Variants in ADGRV1 observed in about 807,000 individuals in gnomAD.
ADGRV1 encodes the protein G-protein coupled receptor 98.
A neutral mutation model predicts 596.2 loss-of-function variants in ADGRV1; 359 were observed. The ratio of observed to expected loss-of-function variants is 0.60; its 90% CI spans 0.55 to 0.66. ADGRV1 has a LOEUF of 0.66. Among genes scored for constraint, ADGRV1 ranks in the 30% least tolerant of loss-of-function variants. The pLI is 0.00. For missense variants in ADGRV1, 7,274 were observed against 7,575.6 expected (o/e 0.96, Z 1.48); for synonymous variants, 2,681 against 2,679.2 (o/e 1.00, Z -0.02).
rs945042132 is a variant in ADGRV1, at chr5:91,091,430, G to A, written c.18311-10789G>A. 9.9e-5 allele frequency among the ~76,000 whole-genome samples: 15 copies of A among 152,186 alleles called. No individual in the cohort carries two copies. In the East Asian group the frequency reaches 2.5e-3, roughly 25 times the overall value. Reference sequence around the variant, plus strand: ...CTTGTCAATTTTACTTTTAACTGTAGCATGTCTTCTTAGCCAGTCCCATAG... The same window carrying A: ...CTTGTCAATTTTACTTTTAACTGTAACATGTCTTCTTAGCCAGTCCCATAG... On this transcript the variant is annotated intron_variant, in intron 86 of 89. Coordinates refer to ENST00000405460, the MANE Select transcript of ADGRV1 (RefSeq NM_032119.4).
chr5:90,721,442 T>G (rs1750926961), intron 45 of ADGRV1, among the ~76,000 whole-genome samples: 1 of 151,460 alleles, frequency 6.6e-6, no homozygotes, highest in Admixed American at 6.6e-5. Flanking sequence ...AGGCGGAGCT[T>G]GCAGTGAGCC....
At chr5:90,797,990 T>G in intron 70 of ADGRV1, among the ~76,000 whole-genome samples, 1 of 151,990 alleles carries the variant, frequency 6.6e-6, no homozygotes, top group Non-Finnish European at 1.5e-5. Context: ...AGATCTAAAA[T>G]CGACACCCTA....
chr5:90,896,463 T>G (rs1771332849), intron 83 of ADGRV1, among the ~76,000 whole-genome samples: 2 of 151,862 alleles, frequency 1.3e-5, no homozygotes, highest in South Asian at 2.1e-4. Context: ...TTTGTAGAGA[T>G]AGGGTTTTGC....
intron 76 of ADGRV1, among the ~76,000 whole-genome samples, chr5:90,827,050 T>G (rs1764132567): frequency 6.6e-6 from 1 of 152,208 alleles, no homozygotes; most frequent in Admixed American, 6.5e-5. Flanking sequence ...GAATCCAGTG[T>G]TTAAATATTT....
intron 86 of ADGRV1, among the ~76,000 whole-genome samples, chr5:91,077,169 A>G (rs1169733268): frequency 6.6e-6 from 1 of 152,216 alleles, no homozygotes; most frequent in Non-Finnish European, 1.5e-5. Flanking sequence ...TGTTAAAAAT[A>G]CCGTGGGCAT....
intron 86 of ADGRV1, among the ~76,000 whole-genome samples, chr5:91,075,835 A>G (rs1788809664): frequency 6.6e-6 from 1 of 152,138 alleles, no homozygotes; most frequent in Non-Finnish European, 1.5e-5. Flanking sequence ...TTTAGCTTAC[A>G]AGAGTTTCCA....
Position 90,855,842 on chromosome 5 carries a change from C to T in ADGRV1, c.17696C>T (p.Thr5899Ile). ...HMSVYAVYARTDNLSSYNEAF... is the reference protein window; with the variant it reads ...HMSVYAVYARIDNLSSYNEAF... Reference sequence around the variant, plus strand: ...TCTGTGTATGCTGTCTATGCTCGGACTGACAACTTGTCTTCATACAATGAA... The same window carrying T: ...TCTGTGTATGCTGTCTATGCTCGGATTGACAACTTGTCTTCATACAATGAA... Residue 5899 changes from threonine to isoleucine, a missense_variant, in exon 82 of 90, where the codon ACT becomes ATT. Thr to Ile is a moderately conservative substitution (Grantham distance 89, BLOSUM62 -1). Around this residue, in one of 5 missense-constraint regions of ADGRV1, gnomAD observed 1,874 missense variants for 1,970.2 expected, o/e 0.95. Transcript: ENST00000405460. The T allele has an allele frequency of 1.9e-6, 3 of 1,613,042 alleles. No individual in the cohort carries two copies. Among genetic ancestry groups the T allele is most frequent in the Non-Finnish European group, 2.5e-6 (3 of 1,179,160 alleles).
At chr5:90,632,827 C>T (rs1348036217) in intron 9 of ADGRV1, among the ~76,000 whole-genome samples, 1 of 152,132 alleles carries the variant, frequency 6.6e-6, no homozygotes, top group Non-Finnish European at 1.5e-5. Context: ...TAATTTATCA[C>T]TTGCTTAGGG....
chr5:90,915,712 G>A (rs979198327), intron 83 of ADGRV1, among the ~76,000 whole-genome samples: 1 of 152,152 alleles, frequency 6.6e-6, no homozygotes, highest in Non-Finnish European at 1.5e-5. Flanking sequence ...CCCTCCCCCA[G>A]CCCCCGTGGG....
Position 90,685,876 on chromosome 5 carries a change from C to T in ADGRV1, c.6371C>T (p.Ala2124Val). ...GCATTTGGAACTCTTCAGCTCTCAGCACCAATTGTCCGAGTGGCAGAAAAT... is the reference window on the plus strand; with the variant it reads ...GCATTTGGAACTCTTCAGCTCTCAGTACCAATTGTCCGAGTGGCAGAAAAT... ...DDAFGTLQLS[A>V]PIVRVAENHV... The change falls in exon 29 of 90, where the codon GCA (alanine) becomes GTA (valine). Residue 2124 changes from alanine to valine, a missense_variant. By Grantham distance (64) the Ala-to-Val change is moderately conservative. This residue lies in a region of ADGRV1 where 3,643 missense variants were observed against 3,809.2 expected (regional missense o/e 0.96). Transcript: ENST00000405460. 1 of 1,611,996 alleles carries T rather than the reference C, an allele frequency of 6.2e-7. No homozygotes were observed. The highest frequency in any genetic ancestry group is 8.5e-7 in the Non-Finnish European group (1 of 1,178,618).
chr5:91,013,571 C>T (rs1782899393), intron 85 of ADGRV1, among the ~76,000 whole-genome samples: 1 of 151,894 alleles, frequency 6.6e-6, no homozygotes, highest in Non-Finnish European at 1.5e-5. Context: ...TTGCTTTCCT[C>T]TTGTAAATTT....
At chr5:90,633,065 G>A (rs1261982117) in intron 9 of ADGRV1, among the ~76,000 whole-genome samples, 1 of 152,106 alleles carries the variant, frequency 6.6e-6, no homozygotes, top group Non-Finnish European at 1.5e-5. Context: ...AGCTAAATAC[G>A]TTAGTCTGAG....
intron 76 of ADGRV1, chr5:90,825,781 G>A (rs1289013589): frequency 6.6e-6 from 1 of 152,180 alleles, no homozygotes; most frequent in Non-Finnish European, 1.5e-5. Flanking sequence ...CAATACATGG[G>A]ATGCTAACTG....
chr5:91,136,631 A>G lies in ADGRV1; in HGVS notation c.18433-13399A>G, dbSNP rs143624546. ...AATTTGATCTACAGCTTACAAATAT[A>G]TATAGTACATTTTATTTGAGATGCA... On this transcript the variant is annotated intron_variant, in intron 87 of 89. Coordinates refer to ENST00000405460, the MANE Select transcript of ADGRV1 (RefSeq NM_032119.4). Among the ~76,000 whole-genome samples, 509 of 152,356 alleles carry G rather than the reference A, an allele frequency of 3.3e-3. 3 individuals are homozygous for G. Among genetic ancestry groups the G allele is most frequent in the African/African-American group, 0.011 (470 of 41,588 alleles).
chr5:91,117,047 G>A (rs996748988), intron 87 of ADGRV1, among the ~76,000 whole-genome samples: 1 of 152,170 alleles, frequency 6.6e-6, no homozygotes, highest in Non-Finnish European at 1.5e-5. Context: ...TAGGTAAGAA[G>A]TAGGTGAAGT....
chr5:91,147,413 G>A (rs1795642834), intron 87 of ADGRV1, among the ~76,000 whole-genome samples: 1 of 152,150 alleles, frequency 6.6e-6, no homozygotes, highest in Non-Finnish European at 1.5e-5. Context: ...GCCTTGGATT[G>A]TAATAATCCC....
At chr5:90,987,126 A>G (rs1311184995) in intron 85 of ADGRV1, among the ~76,000 whole-genome samples, 8 of 152,202 alleles carry the variant, frequency 5.3e-5, no homozygotes, top group African/African-American at 1.9e-4. Context: ...ATGACCAACT[A>G]AATTATAATA....
intron 21 of ADGRV1, among the ~76,000 whole-genome samples, chr5:90,658,662 A>G (rs1431059135): frequency 6.6e-5 from 9 of 136,700 alleles, no homozygotes. Flanking sequence ...AACTTTATTA[A>G]AATATGATTT....
intron 50 of ADGRV1, among the ~76,000 whole-genome samples, chr5:90,730,174 T>C (rs1472471591): frequency 6.6e-6 from 1 of 152,172 alleles, no homozygotes; most frequent in Non-Finnish European, 1.5e-5. Flanking sequence ...GGTATTTTAA[T>C]AGGAATGTAA....
Sources: gnomAD v4.1 joint callset for allele counts (sites outside exome capture counted in the v4.1 genomes callset) on GRCh38, gnomAD v4.1.1 for gene constraint, gnomAD v4.1.1 regional missense constraint, MANE v1.5 for transcripts, NCBI Gene and HGNC (gene_info 2026-07-23, HGNC 2026-07-21) for gene names.